CEP135: variants seen among roughly 807,000 people sequenced by gnomAD.
CEP135 encodes centrosomal protein of 135 kDa.
CEP135 carries 142 observed loss-of-function variants against 157.3 expected under a neutral mutation model. That is an observed-to-expected ratio of 0.90 (90% CI 0.79 to 1.04). CEP135 has a LOEUF of 1.04. CEP135 is among the 50% of genes least tolerant of loss of function. CEP135 has a pLI of 0.00. For missense variants in CEP135, 1,317 were observed against 1,309.2 expected (o/e 1.01, Z -0.09); for synonymous variants, 396 against 439.8 (o/e 0.90, Z 1.25).
intron 17 of CEP135, among the ~76,000 whole-genome samples, chr4:56,000,586 G>T (rs537717677): frequency 6.6e-6 from 1 of 152,156 alleles, no homozygotes; most frequent in African/African-American, 2.4e-5. Flanking sequence ...GAGAACAAAT[G>T]ATATTTGTCT....
intron 17 of CEP135, among the ~76,000 whole-genome samples, chr4:56,002,821 G>A (rs1730224643): frequency 6.6e-6 from 1 of 152,078 alleles, no homozygotes; most frequent in Non-Finnish European, 1.5e-5. Flanking sequence ...TTCTTTAGAT[G>A]TTCAGTAGAG....
rs572821271 is a variant in CEP135, at chr4:56,000,804, T to C, written c.2280+1159T>C. Among the ~76,000 whole-genome samples, 86 of 152,284 alleles carry C rather than the reference T, an allele frequency of 5.6e-4. 1 individual carries two copies. Among genetic ancestry groups the C allele is most frequent in the African/African-American group, 2.0e-3 (84 of 41,558 alleles). The stretch of plus-strand genomic sequence containing the variant: ...GCAGGATCATATGGTAGTTATAGTT[T>C]TAGTTTTTTGAGGAACCTTCATACA... On this transcript the variant is annotated intron_variant, in intron 17 of 25. Coordinates refer to ENST00000257287, the MANE Select transcript of CEP135 (RefSeq NM_025009.5).
chr4:55,967,997 A>G (rs376107139), intron 8 of CEP135, among the ~76,000 whole-genome samples: 2 of 152,346 alleles, frequency 1.3e-5, no homozygotes, highest in East Asian at 3.9e-4. Flanking sequence ...CAGATGGCAT[A>G]ATTTTATATG....
At chr4:56,002,479 A>G (rs1044937391) in intron 17 of CEP135, among the ~76,000 whole-genome samples, 3 of 152,254 alleles carry the variant, frequency 2.0e-5, no homozygotes, top group East Asian at 3.9e-4. Context: ...TTCAGCATCT[A>G]TTGAAATGAT....
chr4:55,977,020 C>T (rs1208722826), intron 11 of CEP135, among the ~76,000 whole-genome samples: 1 of 148,714 alleles, frequency 6.7e-6, no homozygotes, highest in East Asian at 2.0e-4. Context: ...TAGGGTTTTT[C>T]CATGTTGCCC....
intron 19 of CEP135, among the ~76,000 whole-genome samples, chr4:56,011,009 G>A (rs1364995818): frequency 2.6e-5 from 4 of 152,038 alleles, no homozygotes; most frequent in South Asian, 4.2e-4. Context: ...CAAAGTGGGA[G>A]GATTGCTTGA....
intron 15 of CEP135, among the ~76,000 whole-genome samples, chr4:55,994,547 A>T (rs1044752712): frequency 6.6e-6 from 1 of 152,130 alleles, no homozygotes; most frequent in Non-Finnish European, 1.5e-5. Flanking sequence ...ACTGTCTCAG[A>T]TAGATAAGGC....
chr4:55,981,346 G>A lies in CEP135; in HGVS notation c.1746G>A (p.Met582Ile). The A allele has an allele frequency of 6.3e-7, 1 of 1,582,230 alleles. No individual in the cohort carries two copies. The highest frequency in any genetic ancestry group is 2.3e-5 in the East Asian group (1 of 43,798). Residue 582 changes from methionine (M) to isoleucine (I), a missense_variant, in exon 13 of 26, where the codon ATG becomes ATA. Coordinates refer to ENST00000257287, the MANE Select transcript of CEP135 (RefSeq NM_025009.5). ...ELALSDLRRI[M>I]AEKEALREKL... is the part of the protein sequence containing the mutation. Reference sequence around the variant, plus strand: ...CGTTATCTGACTTAAGAAGAATTATGGCAGAAAAGGAAGCTTTAAGAGAAA... The same window carrying A: ...CGTTATCTGACTTAAGAAGAATTATAGCAGAAAAGGAAGCTTTAAGAGAAA...
intron 1 of CEP135, among the ~76,000 whole-genome samples, chr4:55,950,522 CACCT>C (rs1483487146): frequency 1.3e-5 from 2 of 151,994 alleles, no homozygotes; most frequent in Non-Finnish European, 2.9e-5. Flanking sequence ...TATTGGCTCA[CACCT>C]GTAAACCTAG....
chr4:55,995,240 C>T (rs1245611538), intron 15 of CEP135, among the ~76,000 whole-genome samples: 1 of 152,150 alleles, frequency 6.6e-6, no homozygotes, highest in African/African-American at 2.4e-5. Flanking sequence ...GAGCTGAGGT[C>T]AACAGTCTTT....
chr4:56,024,416 A>T (rs1420062084), intron 24 of CEP135, 85 bp from the exon 25 acceptor site: 1 of 839,638 alleles, frequency 1.2e-6, no homozygotes, highest in Non-Finnish European at 2.0e-6. Context: ...ATTACAAATT[A>T]GCTAATAACT....
chr4:56,011,311 C>T (rs1577907166), intron 19 of CEP135, 101 bp from the exon 20 acceptor site: 3 of 789,236 alleles, frequency 3.8e-6, no homozygotes, highest in Admixed American at 2.9e-5. Context: ...TTTTGCCCTA[C>T]TCTATCTTAT....
chr4:55,994,004 T>C (rs1577893712), intron 15 of CEP135, among the ~76,000 whole-genome samples: 1 of 152,288 alleles, frequency 6.6e-6, no homozygotes, highest in South Asian at 2.1e-4. Context: ...AAAATATGAC[T>C]TATCTTGTCT....
intron 22 of CEP135, among the ~76,000 whole-genome samples, 166 bp downstream of exon 22, chr4:56,018,023 G>T (rs1422531624): frequency 1.3e-5 from 2 of 151,896 alleles, no homozygotes; most frequent in Non-Finnish European, 2.9e-5. Flanking sequence ...GAGTTCAGTG[G>T]TGCGATCTCA....
chr4:55,981,368 G>T lies in CEP135; in HGVS notation c.1768G>T (p.Glu590Ter). The T allele has an allele frequency of 6.3e-7, 1 of 1,574,912 alleles. No individual in the cohort carries two copies. The highest frequency in any genetic ancestry group is 8.6e-7 in the Non-Finnish European group (1 of 1,168,886). ...TATGGCAGAAAAGGAAGCTTTAAGA[G>T]AAAAATTAGAGGTAAGAAGATTGAC... is the stretch of plus-strand genomic sequence containing the variant. ...RIMAEKEALREKLEHIEEVSL... is the reference protein window; with the variant it reads ...RIMAEKEALR Residue 590 changes from glutamate to a stop codon, truncating the protein, a stop_gained, in exon 13 of 26, where the codon GAA (glutamate) becomes TAA (stop). Transcript: ENST00000257287. LOFTEE classifies it high-confidence loss of function.
chr4:56,029,373 T>A (rs1397145064), intron 25 of CEP135, among the ~76,000 whole-genome samples: 1 of 152,184 alleles, frequency 6.6e-6, no homozygotes, highest in South Asian at 2.1e-4. Flanking sequence ...TCTCTAATCA[T>A]GCATTGGTCT....
At chr4:56,011,676 G>C in intron 20 of CEP135, 124 bp from the exon 21 acceptor site, 1 of 974,654 alleles carries the variant, frequency 1.0e-6, no homozygotes, top group East Asian at 2.6e-5. Flanking sequence ...TGTGGTACCT[G>C]CACAGATATC....
At chr4:56,024,106 G>A (rs1399283364) in intron 24 of CEP135, among the ~76,000 whole-genome samples, 1 of 141,342 alleles carries the variant, frequency 7.1e-6, no homozygotes, top group African/African-American at 2.6e-5. Flanking sequence ...TAGTTATATG[G>A]TATAGTATAT....
intron 25 of CEP135, among the ~76,000 whole-genome samples, chr4:56,028,655 A>G (rs926115263): frequency 1.3e-5 from 2 of 152,150 alleles, no homozygotes; most frequent in East Asian, 3.8e-4. Context: ...GGCATCTCAG[A>G]TTAGTGTCTC....
Sources: allele counts gnomAD v4.1 joint callset (sites outside exome capture counted in the v4.1 genomes callset), GRCh38; gene constraint gnomAD v4.1.1; transcripts MANE v1.5; gene names NCBI Gene and HGNC (gene_info 2026-07-23, HGNC 2026-07-21).